The following CDH11 variants were observed in gnomAD, a reference collection of about 807,000 sequenced individuals.
CDH11 encodes cadherin 11.
Under a neutral mutation model 67.8 loss-of-function variants are expected in CDH11, and 11 were observed. The ratio of observed to expected loss-of-function variants is 0.16; its 90% confidence interval spans 0.10 to 0.27. The LOEUF (loss-of-function observed/expected upper bound fraction) is 0.27. Ranked by LOEUF, CDH11 falls within the 10% of genes least tolerant of loss-of-function variation. The pLI is 1.00. For synonymous variants in CDH11, 419 were observed against 400.0 expected, an observed-to-expected ratio of 1.05 and a Z score of -0.57; for missense variants, 847 against 1,031.2, an observed-to-expected ratio of 0.82 and a Z score of 2.45.
intron 1 of CDH11, among the ~76,000 whole-genome samples, chr16:65,098,528 G>GTGTGTT (rs1383013712): frequency 3.9e-5 from 6 of 151,990 alleles, no homozygotes; most frequent in African/African-American, 1.5e-4. Flanking sequence ...GTGTGTGTGT[G>GTGTGTT]TGTGTGTGTG....
intron 7 of CDH11, 162 bp downstream of exon 7, chr16:64,987,995 A>G (rs1461597419): frequency 1.8e-6 from 1 of 548,726 alleles, no homozygotes; most frequent in Non-Finnish European, 3.2e-6. Flanking sequence ...AAAGGAATAC[A>G]ATTCTGTGAT....
At position 64,946,085 on chromosome 16, in the gene CDH11, A is replaced by C. The variant is rs2071191256; in HGVS notation, c.*1518T>G. On this transcript the variant is annotated 3_prime_UTR_variant, in exon 13 of 13. Transcript: ENST00000268603. ...CCTGGACCAAATGGCATCGACTCTC[A>C]GAATCCAAAATGGTCCCTGCCCTCA... 9.5e-7 allele frequency: 1 copy of C among 1,058,022 alleles called. No individual in the cohort carries two copies. The highest frequency in any genetic ancestry group is 1.1e-6 in the Non-Finnish European group (1 of 874,698). The allele number at this position is 1,058,022 out of a possible 1,614,324, so 65.5% of individuals were successfully genotyped here. A position where few individuals can be genotyped will look rare whatever the true frequency, so the allele number is the denominator to read the frequency against.
intron 2 of CDH11, among the ~76,000 whole-genome samples, chr16:65,034,829 C>T (rs972142647): frequency 6.6e-6 from 1 of 152,146 alleles, no homozygotes; most frequent in Non-Finnish European, 1.5e-5. Context: ...ATATAGGGTC[C>T]TTGGGGTCCA....
chr16:65,075,608 C>A (rs1053275242), intron 1 of CDH11, among the ~76,000 whole-genome samples: 1 of 152,222 alleles, frequency 6.6e-6, no homozygotes, highest in African/African-American at 2.4e-5. Flanking sequence ...CTGGCATTCA[C>A]AGGACAGCCA....
chr16:65,088,089 G>C (rs929287748), intron 1 of CDH11, among the ~76,000 whole-genome samples: 1 of 152,106 alleles, frequency 6.6e-6, no homozygotes, highest in Non-Finnish European at 1.5e-5. Flanking sequence ...AGTCATGAGG[G>C]CTCCAAGCTC....
chr16:65,035,874 C>A (rs556466540), intron 2 of CDH11, among the ~76,000 whole-genome samples: 1 of 152,204 alleles, frequency 6.6e-6, no homozygotes, highest in African/African-American at 2.4e-5. Flanking sequence ...GAAAACCCTG[C>A]CTCAAGAAAG....
At chr16:65,011,758 T>C (rs1390848603) in intron 2 of CDH11, among the ~76,000 whole-genome samples, 1 of 152,216 alleles carries the variant, frequency 6.6e-6, no homozygotes, top group Non-Finnish European at 1.5e-5. Flanking sequence ...AAATACTCTA[T>C]ATGAATGTGT....
At chr16:64,997,483 T>C (rs1197785091) in intron 4 of CDH11, among the ~76,000 whole-genome samples, 3 of 151,994 alleles carry the variant, frequency 2.0e-5, no homozygotes, top group African/African-American at 7.2e-5. Context: ...TTTTGATGAT[T>C]TGCCTTTCCA....
In CDH11 at chr16:65,121,432, C is replaced by T. The variant is rs2075327335; in HGVS notation, c.-298+448G>A. Among the ~76,000 whole-genome samples the T allele has an allele frequency of 6.6e-6, 1 of 152,170 alleles. No homozygotes were observed. Among genetic ancestry groups the T allele is most frequent in the Admixed American group, 6.5e-5 (1 of 15,286 alleles). On this transcript the variant is annotated intron_variant, in intron 1 of 12. Transcript: ENST00000268603. The surrounding 1 kb of genome is among the most constrained non-coding windows in gnomAD (Gnocchi z 4.1). ...GATGGAGTAAGAACCCCGCAGAGCG[C>T]GGTCATGTCGCCGCTTTGGGGAAGC... is the stretch of plus-strand genomic sequence containing the variant.
At chr16:65,002,371 G>A (rs2072940102) in intron 3 of CDH11, among the ~76,000 whole-genome samples, 1 of 152,120 alleles carries the variant, frequency 6.6e-6, no homozygotes, top group Non-Finnish European at 1.5e-5. Context: ...CAAAGCAGAA[G>A]GTTCTATTCA....
chr16:65,060,976 G>C (rs368120189), intron 1 of CDH11, among the ~76,000 whole-genome samples: 17 of 152,286 alleles, frequency 1.1e-4, no homozygotes, highest in African/African-American at 3.8e-4. Context: ...CTGGCAGGCT[G>C]TGCACCTCTG....
At chr16:65,091,705 C>G (rs916874765) in intron 1 of CDH11, among the ~76,000 whole-genome samples, 1 of 152,028 alleles carries the variant, frequency 6.6e-6, no homozygotes, top group Admixed American at 6.6e-5. Flanking sequence ...GCGCCCACCA[C>G]CACGCCCGGC....
intron 1 of CDH11, among the ~76,000 whole-genome samples, chr16:65,094,440 CAT>C (rs1447688633): frequency 1.3e-5 from 2 of 150,806 alleles, no homozygotes; most frequent in Admixed American, 6.6e-5. Context: ...CACACACACA[CAT>C]ACACACACAC....
At chr16:65,066,968 T>C (rs1597152804) in intron 1 of CDH11, among the ~76,000 whole-genome samples, 1 of 152,206 alleles carries the variant, frequency 6.6e-6, no homozygotes, top group Non-Finnish European at 1.5e-5. Context: ...CTAGTGATTT[T>C]ACTAACTGTT....
chr16:65,095,475 C>A (rs1341742956), intron 1 of CDH11, among the ~76,000 whole-genome samples: 6 of 152,142 alleles, frequency 3.9e-5, no homozygotes, highest in Non-Finnish European at 7.3e-5. Flanking sequence ...TGCAGTTATA[C>A]AATTAAGCAA....
Position 64,946,745 on chromosome 16 carries a change from A to G in CDH11, c.*858T>C, listed in dbSNP as rs895213705. The G allele has an allele frequency of 6.6e-6, 6 of 908,758 alleles. No individual in the cohort carries two copies. The African/African-American group carries it at 1.1e-4, about 16-fold the overall frequency. The allele number at this position is 908,758 out of a possible 1,614,324, so 56.3% of individuals were successfully genotyped here. On this transcript the variant is annotated 3_prime_UTR_variant, in exon 13 of 13. Coordinates refer to ENST00000268603, the MANE Select transcript of CDH11 (RefSeq NM_001797.4). ...TATAAATGGATCATTAGAAATACTT[A>G]ACGTTTGTTTCAATGTTAAGAATCA...
chr16:65,008,712 A>G (rs1201868305), intron 2 of CDH11, among the ~76,000 whole-genome samples: 2 of 152,170 alleles, frequency 1.3e-5, no homozygotes, highest in Non-Finnish European at 2.9e-5. Flanking sequence ...CTTAACCAGT[A>G]AACAATCACA....
intron 1 of CDH11, among the ~76,000 whole-genome samples, chr16:65,096,162 G>A (rs976625902): frequency 3.9e-5 from 6 of 151,988 alleles, no homozygotes; most frequent in African/African-American, 7.3e-5. Flanking sequence ...GCAAGCATAC[G>A]TCCATGTAGC....
At chr16:65,103,185 A>T (rs948639241) in intron 1 of CDH11, among the ~76,000 whole-genome samples, 5 of 152,068 alleles carry the variant, frequency 3.3e-5, no homozygotes, top group Non-Finnish European at 7.4e-5. Context: ...TGTTGAAAGC[A>T]GCTTGGTTTG....
Sources: allele counts gnomAD v4.1 joint callset (sites outside exome capture counted in the v4.1 genomes callset), GRCh38; gene constraint gnomAD v4.1.1; non-coding constraint Gnocchi (gnomAD v3.1); transcripts MANE v1.5; gene names NCBI Gene and HGNC (gene_info 2026-07-23, HGNC 2026-07-21).